EXO1: variants seen among roughly 807,000 people sequenced by gnomAD.
The protein encoded by EXO1 is exonuclease 1.
Under a neutral mutation model 84.5 loss-of-function variants are expected in EXO1, and 69 were observed. The observed-to-expected ratio is 0.82, with a 90% CI of 0.67 to 1.00. EXO1 has a LOEUF of 1.00. Among genes scored for constraint, EXO1 ranks in the 50% least tolerant of loss-of-function variants. The probability of loss-of-function intolerance (pLI) is 0.00; values close to 1 mark genes in which losing one functional copy is unlikely to be tolerated. For missense variants in EXO1, 1,045 were observed against 1,000.7 expected, an observed-to-expected ratio of 1.04 and a Z score of -0.60; for synonymous variants, 373 against 366.1, an observed-to-expected ratio of 1.02 and a Z score of -0.21.
intron 4 of EXO1, among the ~76,000 whole-genome samples, chr1:241,851,728 A>C (rs1486710404): frequency 6.6e-6 from 1 of 152,178 alleles, no homozygotes; most frequent in African/African-American, 2.4e-5. Context: ...TGCCATTGAG[A>C]AATATTTATC....
At chr1:241,859,626 C>A (rs1382948561) in intron 8 of EXO1, among the ~76,000 whole-genome samples, 2 of 152,066 alleles carry the variant, frequency 1.3e-5, no homozygotes, top group Non-Finnish European at 2.9e-5. Flanking sequence ...TGCAAATATT[C>A]CAAAATCTGA....
At chr1:241,880,593 A>G (rs1050652548) in intron 13 of EXO1, among the ~76,000 whole-genome samples, 1 of 152,164 alleles carries the variant, frequency 6.6e-6, no homozygotes, top group Non-Finnish European at 1.5e-5. Flanking sequence ...ATAATTCATT[A>G]AGTCCTCTCT....
chr1:241,880,195 C>T (rs754758520), intron 13 of EXO1, among the ~76,000 whole-genome samples: 3 of 152,112 alleles, frequency 2.0e-5, no homozygotes, highest in Non-Finnish European at 4.4e-5. Context: ...CTGTCTGTTT[C>T]TCTTCCTATG....
intron 6 of EXO1, 32 bp downstream of exon 6, chr1:241,853,513 C>T (rs377234143): frequency 8.1e-6 from 13 of 1,612,658 alleles, no homozygotes; most frequent in Non-Finnish European, 1.1e-5. Flanking sequence ...GCAAGTTCAC[C>T]AAAGCTAGTT....
chr1:241,858,481 T>G (rs1226046111), intron 7 of EXO1, 25 bp from the exon 8 acceptor site: 2 of 1,526,688 alleles, frequency 1.3e-6, no homozygotes, highest in African/African-American at 2.7e-5. Flanking sequence ...CTTCTAGGTA[T>G]TAACAATTTC....
intron 10 of EXO1, among the ~76,000 whole-genome samples, chr1:241,865,318 T>C (rs906950684): frequency 4.6e-5 from 7 of 151,676 alleles, no homozygotes; most frequent in African/African-American, 1.7e-4. Flanking sequence ...TTCAAGTGGT[T>C]CTCCTGCCTC....
intron 12 of EXO1, among the ~76,000 whole-genome samples, chr1:241,877,919 G>A (rs1402269712): frequency 6.6e-6 from 1 of 152,062 alleles, no homozygotes; most frequent in Admixed American, 6.5e-5. Context: ...AAGATGAAGG[G>A]TAAATAGCTA....
At chr1:241,861,542 T>G (rs1218445185) in intron 10 of EXO1, 40 bp downstream of exon 10, 5 of 1,063,626 alleles carry the variant, frequency 4.7e-6, no homozygotes, top group Non-Finnish European at 1.5e-6. Flanking sequence ...CACGTTTTAG[T>G]TATGTCCCGA....
chr1:241,885,216 AT>A (rs1662988899), intron 14 of EXO1, 97 bp from the exon 15 acceptor site: 2 of 642,184 alleles, frequency 3.1e-6, no homozygotes, highest in Non-Finnish European at 4.8e-6. Context: ...CAAAAAGTAA[AT>A]AAATAAATAA....
In EXO1 at chr1:241,864,796, G is replaced by A. The variant is rs192717372; in HGVS notation, c.1042-2034G>A. Among the ~76,000 whole-genome samples the A allele has an allele frequency of 5.5e-3, 842 of 151,986 alleles. 10 individuals are homozygous for A. Among genetic ancestry groups the A allele is most frequent in the African/African-American group, 0.019 (797 of 41,480 alleles). On this transcript the variant is annotated intron_variant, in intron 10 of 15. Coordinates refer to ENST00000366548, the MANE Select transcript of EXO1 (RefSeq NM_130398.4). ...ATTTTGTGTTTCTTATTGTTTTGAG[G>A]AATGATTATGGAAAGAAGGAGACTG... is the stretch of plus-strand genomic sequence containing the variant.
At chr1:241,853,575 C>G in intron 6 of EXO1, 94 bp downstream of exon 6, 1 of 1,372,584 alleles carries the variant, frequency 7.3e-7, no homozygotes, top group South Asian at 1.2e-5. Flanking sequence ...GAAAATTGTT[C>G]TAGGCCTAAC....
chr1:241,873,303 G>A (rs1662217681), intron 12 of EXO1, among the ~76,000 whole-genome samples: 1 of 152,088 alleles, frequency 6.6e-6, no homozygotes, highest in Admixed American at 6.5e-5. Context: ...GAGTCTAGAG[G>A]GAAGCAGGTG....
chr1:241,856,367 A>G (rs988572797), intron 6 of EXO1, among the ~76,000 whole-genome samples: 8 of 151,498 alleles, frequency 5.3e-5, no homozygotes, highest in African/African-American at 1.5e-4. Context: ...AGATTTTGAC[A>G]CAGCGGCTAT....
chr1:241,852,501 C>A (rs2148386725), intron 5 of EXO1, 90 bp downstream of exon 5: 1 of 1,224,600 alleles, frequency 8.2e-7, no homozygotes, highest in Non-Finnish European at 1.2e-6. Context: ...AATTTTAAGC[C>A]AGGCTCAGTG....
At chr1:241,881,585 AAACTT>A (rs779713386) in intron 13 of EXO1, among the ~76,000 whole-genome samples, 8 of 152,218 alleles carry the variant, frequency 5.3e-5, no homozygotes, top group Non-Finnish European at 1.2e-4. Flanking sequence ...AGTAAGATGA[AAACTT>A]AACCACACGT....
intron 13 of EXO1, among the ~76,000 whole-genome samples, chr1:241,881,645 A>G (rs1662764434): frequency 1.3e-5 from 2 of 152,144 alleles, no homozygotes; most frequent in Non-Finnish European, 2.9e-5. Context: ...GTTTTATCTG[A>G]CTCAGCATTT....
At chr1:241,850,139 G>A (rs1179532794) in intron 3 of EXO1, among the ~76,000 whole-genome samples, 1 of 152,132 alleles carries the variant, frequency 6.6e-6, no homozygotes, top group Non-Finnish European at 1.5e-5. Context: ...AAATTAGCCG[G>A]GCGCGGTGGC....
At chr1:241,881,520 G>C (rs1259918489) in intron 13 of EXO1, among the ~76,000 whole-genome samples, 1 of 152,104 alleles carries the variant, frequency 6.6e-6, no homozygotes, top group Non-Finnish European at 1.5e-5. Flanking sequence ...AAAGTTGAAC[G>C]TGTTACATGA....
Position 241,857,452 on chromosome 1 carries a change from C to A in EXO1, c.513C>A (p.Asp171Glu), listed in dbSNP as rs1358941128. The A allele has an allele frequency of 5.0e-6, 8 of 1,613,790 alleles. No individual in the cohort carries two copies. Among genetic ancestry groups the A allele is most frequent in the Non-Finnish European group, 5.9e-6 (7 of 1,179,942 alleles). Residue 171 changes from aspartate to glutamate, a missense_variant, in exon 7 of 16, where the codon GAC becomes GAA. By Grantham distance (45) the Asp-to-Glu change is conservative. Transcript: ENST00000366548. ...AGIVQAIITEDSDLLAFGCKK... is the reference protein window; with the variant it reads ...AGIVQAIITEESDLLAFGCKK... ...TTGTGCAAGCCATAATTACAGAGGA[C>A]TCGGATCTCCTAGCTTTTGGCTGTA...
Sources: gnomAD v4.1 joint callset for allele counts (sites outside exome capture counted in the v4.1 genomes callset) on GRCh38, gnomAD v4.1.1 for gene constraint, MANE v1.5 for transcripts, NCBI Gene and HGNC (gene_info 2026-07-23, HGNC 2026-07-21) for gene names.